The following PCM1 variants were observed in gnomAD, a reference collection of about 807,000 sequenced individuals.
The protein encoded by PCM1 is pericentriolar material 1 protein.
A neutral mutation model predicts 241.9 loss-of-function variants in PCM1; 157 were observed. The observed-to-expected ratio is 0.65, with a 90% CI of 0.57 to 0.74. The LOEUF is 0.74. PCM1 is among the 30% of genes least tolerant of loss of function. The probability of loss-of-function intolerance (pLI) is 0.00; values close to 1 mark genes in which losing one functional copy is unlikely to be tolerated. For missense variants in PCM1, 3,478 were observed against 2,360.1 expected, an observed-to-expected ratio of 1.47 and a Z score of -9.81; for synonymous variants, 1,085 against 784.9, an observed-to-expected ratio of 1.38 and a Z score of -6.39.
intron 2 of PCM1, among the ~76,000 whole-genome samples, chr8:17,928,244 A>T (rs1039295181): frequency 1.3e-5 from 2 of 152,188 alleles, no homozygotes; most frequent in Non-Finnish European, 2.9e-5. Flanking sequence ...CTGGAAAAAA[A>T]TATCTGTAGT....
At position 17,947,279 on chromosome 8, in the gene PCM1, C is replaced by T. The variant is rs2064189596; in HGVS notation, c.877C>T (p.Leu293=). ...AAGAATGTTACAACAGCAGGAGCAA[C>T]TAAGAGCTCTACAGGGACGGCAGGC... ...LKRMLQQQEQ[L]RALQGRQAAL... The change falls in exon 7 of 39, where the codon CTA becomes TTA. Residue 293 remains leucine (L), a synonymous_variant. Coordinates refer to ENST00000325083, the MANE Select transcript of PCM1 (RefSeq NM_006197.4). 1 of 1,612,388 alleles carries T rather than the reference C, an allele frequency of 6.2e-7. No homozygotes were observed. The highest frequency in any genetic ancestry group is 2.2e-5 in the East Asian group (1 of 44,842).
In PCM1 at chr8:18,009,531, GTTTATC is replaced by G; in HGVS notation, c.4963-12_4963-7del. The G allele has an allele frequency of 1.3e-6, 2 of 1,536,718 alleles. No homozygotes were observed. The highest frequency in any genetic ancestry group is 1.8e-6 in the Non-Finnish European group (2 of 1,128,978). On this transcript the variant is annotated splice_polypyrimidine_tract_variant and intron_variant, in intron 30 of 38. Transcript: ENST00000325083. ...GTTTACTGTCTTTAAAAATTATTTG[GTTTATC>G]TTTGAATAGGATTCACTGGCAAAAT...
chr8:17,992,641 C>T (rs1203379164), intron 28 of PCM1, among the ~76,000 whole-genome samples: 2 of 138,780 alleles, frequency 1.4e-5, no homozygotes, highest in African/African-American at 5.3e-5. Context: ...AATTTGAGCA[C>T]AGTCTTGCTC....
intron 10 of PCM1, among the ~76,000 whole-genome samples, chr8:17,956,325 T>C (rs1470563596): frequency 6.6e-6 from 1 of 152,218 alleles, no homozygotes; most frequent in Admixed American, 6.5e-5. Context: ...TTTTCTGCTA[T>C]TAACATTTAC....
intron 15 of PCM1, among the ~76,000 whole-genome samples, chr8:17,960,975 A>G (rs2071597161): frequency 6.6e-6 from 1 of 152,176 alleles, no homozygotes; most frequent in African/African-American, 2.4e-5. Context: ...CTGGCTGGCC[A>G]TAGATTCAGA....
chr8:17,935,656 G>C lies in PCM1; in HGVS notation c.46G>C (p.Asp16His), dbSNP rs751032677. The change falls in exon 3 of 39, where the codon GAT becomes CAT. Residue 16 changes from aspartate to histidine, a missense_variant. Coordinates refer to ENST00000325083, the MANE Select transcript of PCM1 (RefSeq NM_006197.4). The stretch of plus-strand genomic sequence containing the variant: ...CTTTGAAGATGGCATGAATGATCAG[G>C]ATTTACCAAACTGGAGTAATGAGAA... ...GPFEDGMNDQ[D>H]LPNWSNENVD... 1.9e-6 allele frequency: 3 copies of C among 1,570,882 alleles called. No homozygotes were observed. Among genetic ancestry groups the C allele is most frequent in the Non-Finnish European group, 1.8e-6 (2 of 1,140,976 alleles).
chr8:17,968,669 C>G, intron 21 of PCM1, among the ~76,000 whole-genome samples: 1 of 149,364 alleles, frequency 6.7e-6, no homozygotes, highest in Middle Eastern at 3.5e-3. Context: ...GTACTCAATA[C>G]TTCTTACATA....
chr8:18,014,876 T>C (rs1353310659), intron 36 of PCM1, 36 bp downstream of exon 36: 3 of 1,506,942 alleles, frequency 2.0e-6, no homozygotes, highest in Admixed American at 2.0e-5. Flanking sequence ...ATTTTTACTT[T>C]TCATTTCTGT....
chr8:17,968,762 G>GTGTGTGTGTATATA (rs373502456), intron 21 of PCM1, among the ~76,000 whole-genome samples: 46 of 136,772 alleles, frequency 3.4e-4, no homozygotes, highest in African/African-American at 8.2e-4. Context: ...GTGTGTGTGT[G>GTGTGTGTGTATATA]TATATATATA....
At chr8:17,974,945 T>C (rs1326733353) in intron 23 of PCM1, among the ~76,000 whole-genome samples, 2 of 151,376 alleles carry the variant, frequency 1.3e-5, no homozygotes, top group Non-Finnish European at 2.9e-5. Context: ...GCCGAAGTAA[T>C]ATGGGGTAAA....
intron 6 of PCM1, among the ~76,000 whole-genome samples, chr8:17,943,260 T>G (rs2299587): frequency 0.45 from 67,051 of 149,602 alleles, 17,396 homozygotes; most frequent in Non-Finnish European, 0.61. Context: ...TTTTTTTATT[T>G]TTTCTGGTTC....
chr8:17,984,506 C>A (rs540980421), intron 24 of PCM1, among the ~76,000 whole-genome samples: 1 of 151,784 alleles, frequency 6.6e-6, no homozygotes, highest in South Asian at 2.1e-4. Flanking sequence ...ATATATTTTT[C>A]TATTGATATC....
intron 2 of PCM1, among the ~76,000 whole-genome samples, chr8:17,928,791 C>G (rs1467632848): frequency 1.3e-5 from 2 of 151,938 alleles, no homozygotes; most frequent in Non-Finnish European, 2.9e-5. Context: ...GCCACCATAC[C>G]TGGCTAATTT....
rs377179391 is a variant in PCM1, at chr8:17,964,617, G to A, written c.2704G>A (p.Gly902Arg). 1.2e-6 allele frequency: 2 copies of A among 1,613,810 alleles called. No individual in the cohort carries two copies. Among genetic ancestry groups the A allele is most frequent in the South Asian group, 2.2e-5 (2 of 91,070 alleles). The change falls in exon 18 of 39, where the codon GGA becomes AGA. Residue 902 changes from glycine (G) to arginine (R), a missense_variant. Gly to Arg is a moderately radical substitution (Grantham distance 125, BLOSUM62 -2). Transcript: ENST00000325083. Reference sequence around the variant, plus strand: ...TACCCAGTGTGCACTAGATGAAGAAGGAGATGAAGACGGTTACCTTTCTGA... The same window carrying A: ...TACCCAGTGTGCACTAGATGAAGAAAGAGATGAAGACGGTTACCTTTCTGA... ...GSTQCALDEE[G>R]DEDGYLSEGI... is the part of the protein sequence containing the mutation.
rs1181629034 is a variant in PCM1 at position 17,957,575 on chromosome 8, C to G, written c.1840C>G (p.His614Asp). The G allele has an allele frequency of 6.4e-7, 1 of 1,572,630 alleles. No homozygotes were observed. Among genetic ancestry groups the G allele is most frequent in the African/African-American group, 1.4e-5 (1 of 73,734 alleles). The change falls in exon 13 of 39, where the codon CAT becomes GAT. Residue 614 changes from histidine (H) to aspartate (D), a missense_variant. Physicochemically the swap from His to Asp is moderately conservative, Grantham distance 81. Coordinates refer to ENST00000325083, the MANE Select transcript of PCM1 (RefSeq NM_006197.4). ...TAATAGAGAAGGGGAACAGGAGATT[C>G]ATGTTGCACAAGGTGAAGATGATGA... ...RYNREGEQEI[H>D]VAQGEDDEEE... is the part of the protein sequence containing the mutation.
intron 30 of PCM1, among the ~76,000 whole-genome samples, chr8:18,006,671 A>G (rs1388576067): frequency 1.3e-5 from 2 of 152,182 alleles, no homozygotes; most frequent in African/African-American, 4.8e-5. Flanking sequence ...TTCTCACTGA[A>G]AACATTTTGA....
chr8:18,020,318 C>G (rs566267006), intron 36 of PCM1, among the ~76,000 whole-genome samples: 2 of 152,182 alleles, frequency 1.3e-5, no homozygotes, highest in African/African-American at 4.8e-5. Context: ...TTGATAGGAA[C>G]TTTATCTGAC....
chr8:17,960,237 A>G, intron 14 of PCM1, 72 bp downstream of exon 14: 2 of 1,556,874 alleles, frequency 1.3e-6, no homozygotes, highest in Non-Finnish European at 1.7e-6. Context: ...GTGCTCAGCT[A>G]GGTACTGTGT....
At position 17,957,614 on chromosome 8, in the gene PCM1, G is replaced by A. The variant is rs768305007; in HGVS notation, c.1879G>A (p.Glu627Lys). 51 of 1,577,906 alleles carry A rather than the reference G, an allele frequency of 3.2e-5. No homozygotes were observed. The highest frequency in any genetic ancestry group is 4.3e-5 in the Non-Finnish European group (50 of 1,160,640). Residue 627 changes from glutamate (E) to lysine (K), a missense_variant, in exon 13 of 39, where the codon GAA becomes AAA. By Grantham distance (56) the Glu-to-Lys change is moderately conservative. Coordinates refer to ENST00000325083, the MANE Select transcript of PCM1 (RefSeq NM_006197.4). ...QGEDDEEEEEEAEEEGVSGAS... is the reference protein window; with the variant it reads ...QGEDDEEEEEKAEEEGVSGAS... ...TGAAGATGATGAGGAGGAGGAGGAA[G>A]AAGCAGAAGAGGAGGGAGTCAGTGG...
Sources: gnomAD v4.1 joint callset for allele counts (sites outside exome capture counted in the v4.1 genomes callset) on GRCh38, gnomAD v4.1.1 for gene constraint, MANE v1.5 for transcripts, NCBI Gene and HGNC (gene_info 2026-07-23, HGNC 2026-07-21) for gene names.